Variants in PRR5L observed in about 807,000 individuals in gnomAD.
The protein encoded by PRR5L is proline-rich protein 5-like.
A neutral mutation model predicts 36.4 loss-of-function variants in PRR5L; 21 were observed. The ratio of observed to expected loss-of-function variants is 0.58; its 90% CI spans 0.41 to 0.83. The LOEUF is 0.83. PRR5L is among the 40% of genes least tolerant of loss of function. The pLI is 0.00. For synonymous variants in PRR5L, 188 were observed against 197.0 expected, an observed-to-expected ratio of 0.95 and a Z score of 0.38; for missense variants, 381 against 473.3, an observed-to-expected ratio of 0.80 and a Z score of 1.81.
chr11:36,448,569 A>G (rs1858880873), intron 7 of PRR5L, among the ~76,000 whole-genome samples: 1 of 152,176 alleles, frequency 6.6e-6, no homozygotes. Flanking sequence ...AGCACCCAGC[A>G]TAGTCTTTGG....
chr11:36,433,128 T>C (rs1324844642), intron 5 of PRR5L, among the ~76,000 whole-genome samples: 1 of 152,066 alleles, frequency 6.6e-6, no homozygotes, highest in Non-Finnish European at 1.5e-5. Context: ...CAATATAAAA[T>C]ATACCCTCTT....
At chr11:36,336,028 C>A (rs1856765388) in intron 1 of PRR5L, among the ~76,000 whole-genome samples, 1 of 152,066 alleles carries the variant, frequency 6.6e-6, no homozygotes, top group Admixed American at 6.5e-5. Flanking sequence ...GGAATGTGGC[C>A]ATGAGGTTCG....
At chr11:36,316,655 T>C (rs936740760) in intron 1 of PRR5L, among the ~76,000 whole-genome samples, 18 of 152,176 alleles carry the variant, frequency 1.2e-4, no homozygotes, top group African/African-American at 3.9e-4. Context: ...CAGTGCAGGG[T>C]CTGCAAAATA....
chr11:36,362,700 A>G (rs1353313961), intron 1 of PRR5L, among the ~76,000 whole-genome samples: 1 of 152,058 alleles, frequency 6.6e-6, no homozygotes, highest in Non-Finnish European at 1.5e-5. Context: ...CCTTCCTTCC[A>G]TAAAAGGTCT....
chr11:36,299,465 CA>C (rs1286736759), intron 1 of PRR5L, among the ~76,000 whole-genome samples: 4 of 152,176 alleles, frequency 2.6e-5, no homozygotes, highest in Non-Finnish European at 5.9e-5. Flanking sequence ...TGAAGATGGT[CA>C]GTTAAGAGGG....
At position 36,446,243 on chromosome 11, in the gene PRR5L, C is replaced by A. The variant is rs1055913136; in HGVS notation, c.445-57C>A. Reference sequence around the variant, plus strand: ...TGTGTTGTCTTGAACCCCACATGGTCGGTGGCAGATTCAGTAAGCTCTCAC... The same window carrying A: ...TGTGTTGTCTTGAACCCCACATGGTAGGTGGCAGATTCAGTAAGCTCTCAC... On this transcript the variant is annotated intron_variant, in intron 6 of 8. Transcript: ENST00000530639. The A allele has an allele frequency of 8.8e-6, 14 of 1,589,518 alleles. No individual in the cohort carries two copies. In the African/African-American group the frequency reaches 1.3e-4, roughly 15 times the overall value.
intron 1 of PRR5L, among the ~76,000 whole-genome samples, chr11:36,303,797 A>G (rs1470532554): frequency 1.3e-5 from 2 of 152,344 alleles, no homozygotes; most frequent in South Asian, 2.1e-4. Flanking sequence ...AATAGAACGA[A>G]CAATACATGG....
chr11:36,426,354 C>G (rs1204751595), intron 4 of PRR5L, among the ~76,000 whole-genome samples: 1 of 152,208 alleles, frequency 6.6e-6, no homozygotes, highest in Admixed American at 6.5e-5. Context: ...TGTTAGAACA[C>G]TTACCTCAGC....
chr11:36,376,537 G>A, intron 1 of PRR5L: 1 of 1,013,676 alleles, frequency 9.9e-7, no homozygotes. Flanking sequence ...GGGAGGGAGA[G>A]CTGGGCAGAG....
At chr11:36,433,857 G>A (rs1360749382) in intron 5 of PRR5L, among the ~76,000 whole-genome samples, 4 of 152,162 alleles carry the variant, frequency 2.6e-5, no homozygotes, top group African/African-American at 7.2e-5. Context: ...TTTGCATTTT[G>A]GAGTCAGGCT....
chr11:36,438,783 A>T (rs1254821957), intron 6 of PRR5L, among the ~76,000 whole-genome samples: 4 of 152,072 alleles, frequency 2.6e-5, no homozygotes, highest in Non-Finnish European at 4.4e-5. Flanking sequence ...CTATTAAAAA[A>T]AACTAGCCAG....
intron 8 of PRR5L, chr11:36,454,641 A>T (rs1450437166): frequency 6.6e-6 from 1 of 152,258 alleles, no homozygotes; most frequent in Non-Finnish European, 1.5e-5. Flanking sequence ...AACTCATTCC[A>T]TCCTCCAAGG....
intron 1 of PRR5L, among the ~76,000 whole-genome samples, chr11:36,337,082 G>A (rs532009183): frequency 2.6e-5 from 4 of 152,254 alleles, no homozygotes; most frequent in Non-Finnish European, 4.4e-5. Context: ...AGGCCATAAA[G>A]GTTGTTGCTA....
chr11:36,462,488 G>C lies in PRR5L; in HGVS notation c.859G>C (p.Val287Leu). Residue 287 changes from valine (V) to leucine (L), a missense_variant, in exon 9 of 9, where the codon GTG (valine) becomes CTG (leucine). By Grantham distance (32) the Val-to-Leu change is conservative (BLOSUM62 1). Coordinates refer to ENST00000530639, the MANE Select transcript of PRR5L (RefSeq NM_001160167.2). ...GEAYLEKCGS[V>L]RRHTVANAHS... ...AGCCTACCTGGAGAAGTGTGGCAGC[G>C]TGCGGCGGCACACGGTGGCCAATGC... 6.2e-7 allele frequency: 1 copy of C among 1,608,818 alleles called. No individual in the cohort carries two copies.
At chr11:36,422,498 C>T (rs946064793) in intron 4 of PRR5L, among the ~76,000 whole-genome samples, 2 of 152,198 alleles carry the variant, frequency 1.3e-5, no homozygotes, top group African/African-American at 2.4e-5. Flanking sequence ...CATGCCTAGA[C>T]ATCTGCATTC....
chr11:36,441,662 C>T (rs976196334), intron 6 of PRR5L, among the ~76,000 whole-genome samples: 3 of 152,184 alleles, frequency 2.0e-5, no homozygotes, highest in Non-Finnish European at 4.4e-5. Flanking sequence ...GTGTCAGGGG[C>T]TCCAACCCCA....
chr11:36,433,035 T>G (rs1564947745), intron 5 of PRR5L, among the ~76,000 whole-genome samples: 1 of 151,058 alleles, frequency 6.6e-6, no homozygotes, highest in East Asian at 1.9e-4. Context: ...ATCGATGACA[T>G]TTTTTTTTCA....
chr11:36,355,805 T>A (rs536701677), intron 1 of PRR5L, among the ~76,000 whole-genome samples: 44 of 152,222 alleles, frequency 2.9e-4, no homozygotes, highest in African/African-American at 1.1e-3. Flanking sequence ...TCAGGTGATC[T>A]GCCTGCCTTG....
At chr11:36,404,057 G>A (rs1857856661) in intron 3 of PRR5L, among the ~76,000 whole-genome samples, 1 of 152,218 alleles carries the variant, frequency 6.6e-6, no homozygotes, top group Non-Finnish European at 1.5e-5. Flanking sequence ...TTACCTAGGT[G>A]AACAGGGCTC....
Sources: gnomAD v4.1 joint callset for allele counts (sites outside exome capture counted in the v4.1 genomes callset) on GRCh38, gnomAD v4.1.1 for gene constraint, MANE v1.5 for transcripts, NCBI Gene and HGNC (gene_info 2026-07-23, HGNC 2026-07-21) for gene names.